HNRNPAB: variants seen among roughly 807,000 people sequenced by gnomAD.
The protein encoded by HNRNPAB is ABBP-1.
HNRNPAB carries 17 observed loss-of-function variants against 44.1 expected under a neutral mutation model. That is an observed-to-expected ratio of 0.39 (90% confidence interval 0.26 to 0.58). The LOEUF is 0.58. HNRNPAB is among the 20% of genes least tolerant of loss of function. The pLI, the probability that HNRNPAB is intolerant of heterozygous loss-of-function variation, is 0.63. For missense variants in HNRNPAB, 393 were observed against 432.7 expected (o/e 0.91, Z 0.81); for synonymous variants, 183 against 167.6 (o/e 1.09, Z -0.71).
In HNRNPAB at chr5:178,204,603, G is replaced by C. The variant is rs763662785; in HGVS notation, c.-161G>C. On this transcript the variant is annotated 5_prime_UTR_variant, in exon 1 of 8. Coordinates refer to ENST00000358344, the MANE Select transcript of HNRNPAB (RefSeq NM_031266.3). ...GTTCCCGTGCGGCGGCGGCCAAGGA[G>C]GAGGAGACACAGTTGGAGCAGCTCC... 7.6e-4 allele frequency: 203 copies of C among 267,166 alleles called. 1 individual carries two copies. Among genetic ancestry groups the C allele is most frequent in the Non-Finnish European group, 1.1e-3 (155 of 143,112 alleles). The allele number at this position is 267,166 out of a possible 1,614,324, so 16.5% of individuals were successfully genotyped here. A position where few individuals can be genotyped will look rare whatever the true frequency, so the allele number is the denominator to read the frequency against.
In HNRNPAB at chr5:178,204,925, G is replaced by T. The variant is rs1457319686; in HGVS notation, c.88G>T (p.Ala30Ser). 5.8e-6 allele frequency: 7 copies of T among 1,210,684 alleles called. No homozygotes were observed. The highest frequency in any genetic ancestry group is 7.2e-6 in the Non-Finnish European group (7 of 974,364). 75.0% of individuals were successfully genotyped at this position (1,210,684 alleles called of 1,614,324 possible). A position where few individuals can be genotyped will look rare whatever the true frequency, so the allele number is the denominator to read the frequency against. ...HEAVPEGESP[A>S]GAGTGAAAGA... ...GGCCGTCCCCGAAGGCGAGTCGCCG[G>T]CCGGGGCTGGCACGGGCGCCGCGGC... The change falls in exon 2 of 8, where the codon GCC becomes TCC. Residue 30 changes from alanine to serine, a missense_variant. By Grantham distance (99) the Ala-to-Ser change is moderately conservative. Coordinates refer to ENST00000358344, the MANE Select transcript of HNRNPAB (RefSeq NM_031266.3).
rs758120507 is a variant in HNRNPAB at position 178,210,244 on chromosome 5, T to TTACGGC, written c.907_912dup (p.Tyr303_Gly304dup). The TTACGGC allele has an allele frequency of 7.6e-5, 123 of 1,613,704 alleles. No individual in the cohort carries two copies. The highest frequency in any genetic ancestry group is 8.5e-6 in the Non-Finnish European group (10 of 1,179,734). ...GCTACGACTACTCGCCCTATGGCTA[T>TTACGGC]TACGGCTACGGCCCCGGCTACGACT... is the stretch of plus-strand genomic sequence containing the variant. On this transcript the variant is annotated inframe_insertion, in exon 7 of 8. Transcript: ENST00000358344.
At chr5:178,205,353 G>T (rs921932812) in intron 2 of HNRNPAB, among the ~76,000 whole-genome samples, 16 of 152,018 alleles carry the variant, frequency 1.1e-4, no homozygotes, top group African/African-American at 3.9e-4. Flanking sequence ...TCGGACCCGG[G>T]GCCCGGCGGC....
At chr5:178,205,413 G>T (rs894133055) in intron 2 of HNRNPAB, among the ~76,000 whole-genome samples, 11 of 152,156 alleles carry the variant, frequency 7.2e-5, no homozygotes, top group African/African-American at 2.4e-4. Flanking sequence ...GCGAGCCGGG[G>T]CCCGGACCTC....
intron 5 of HNRNPAB, among the ~76,000 whole-genome samples, chr5:178,207,538 C>T (rs753233963): frequency 8.6e-5 from 13 of 152,040 alleles, no homozygotes; most frequent in Non-Finnish European, 1.9e-4. Flanking sequence ...ATTCTTGAGT[C>T]CAGGGGTATG....
At chr5:178,209,260 T>C in intron 5 of HNRNPAB, 70 bp from the exon 6 acceptor site, 1 of 1,164,162 alleles carries the variant, frequency 8.6e-7, no homozygotes, top group East Asian at 2.4e-5. Flanking sequence ...TTTGTCGCAG[T>C]GAAGGTGTTT....
At chr5:178,207,506 A>C (rs571626005) in intron 5 of HNRNPAB, among the ~76,000 whole-genome samples, 232 of 152,098 alleles carry the variant, frequency 1.5e-3, no homozygotes, top group African/African-American at 5.4e-3. Context: ...TCCTCACTTA[A>C]AGCTAGAGGT....
rs758451196 is a variant in HNRNPAB, at chr5:178,210,228, A to T, written c.884A>T (p.Tyr295Phe). 6.2e-7 allele frequency: 1 copy of T among 1,613,186 alleles called. No individual in the cohort carries two copies. Among genetic ancestry groups the T allele is most frequent in the Non-Finnish European group, 8.5e-7 (1 of 1,179,246 alleles). Reference protein sequence around the residue: ...GYGPGYGGYDYSPYGYYGYGP... With the variant: ...GYGPGYGGYDFSPYGYYGYGP... ...GGGCCTGGCTATGGCGGCTACGACT[A>T]CTCGCCCTATGGCTATTACGGCTAC... The change falls in exon 7 of 8, where the codon TAC becomes TTC. Residue 295 changes from tyrosine to phenylalanine, a missense_variant. Physicochemically the swap from Tyr to Phe is conservative, Grantham distance 22. Around this residue, in one of 3 missense-constraint regions of HNRNPAB, gnomAD observed 210 missense variants for 196.9 expected, o/e 1.07. Coordinates refer to ENST00000358344, the MANE Select transcript of HNRNPAB (RefSeq NM_031266.3).
intron 3 of HNRNPAB, among the ~76,000 whole-genome samples, chr5:178,206,443 T>C (rs987452825): frequency 2.6e-5 from 4 of 152,184 alleles, no homozygotes; most frequent in Non-Finnish European, 5.9e-5. Context: ...CTTCAGCCTA[T>C]GCTCCGAGTC....
intron 5 of HNRNPAB, 150 bp from the exon 6 acceptor site, chr5:178,209,180 A>T (rs370145181): frequency 2.9e-6 from 2 of 697,928 alleles, no homozygotes; most frequent in African/African-American, 1.8e-5. Context: ...CATGAGCTTT[A>T]GCCCAAAGGT....
chr5:178,206,557 TA>T (rs1757068033), intron 3 of HNRNPAB, among the ~76,000 whole-genome samples, 174 bp from the exon 4 acceptor site: 1 of 152,204 alleles, frequency 6.6e-6, no homozygotes, highest in Non-Finnish European at 1.5e-5. Context: ...GGTGTCGAGG[TA>T]AACCAGCTGT....
rs1481969411 is a variant in HNRNPAB at position 178,211,005 on chromosome 5, TCATA to T, written c.*386_*389del. The T allele has an allele frequency of 4.6e-6, 1 of 218,026 alleles. No individual in the cohort carries two copies. The highest frequency in any genetic ancestry group is 9.1e-6 in the Non-Finnish European group (1 of 109,704). 13.5% of individuals were successfully genotyped at this position (218,026 alleles called of 1,614,324 possible). ...ACCTTTTAATTTTATATTATTTGCGTCATACATTTCCTGTAACGGAAGTGTTAAT... is the reference window on the plus strand; with the variant it reads ...ACCTTTTAATTTTATATTATTTGCGTCATTTCCTGTAACGGAAGTGTTAAT... On this transcript the variant is annotated 3_prime_UTR_variant, in exon 8 of 8. Coordinates refer to ENST00000358344, the MANE Select transcript of HNRNPAB (RefSeq NM_031266.3).
chr5:178,209,899 TGAGC>T (rs368652523), intron 6 of HNRNPAB, among the ~76,000 whole-genome samples: 9 of 151,992 alleles, frequency 5.9e-5, no homozygotes, highest in South Asian at 2.1e-4. Flanking sequence ...ACTGAGTGAG[TGAGC>T]TGCCTTGTTT....
rs1475367948 is a variant in HNRNPAB at position 178,210,239 on chromosome 5, G to A, written c.895G>A (p.Gly299Ser). Residue 299 changes from glycine (G) to serine (S), a missense_variant, in exon 7 of 8, where the codon GGC becomes AGC. By Grantham distance (56) the Gly-to-Ser change is moderately conservative. Coordinates refer to ENST00000358344, the MANE Select transcript of HNRNPAB (RefSeq NM_031266.3). ...TGGCGGCTACGACTACTCGCCCTAT[G>A]GCTATTACGGCTACGGCCCCGGCTA... Reference protein sequence around the residue: ...GYGGYDYSPYGYYGYGPGYDY... With the variant: ...GYGGYDYSPYSYYGYGPGYDY... 10 of 1,613,556 alleles carry A rather than the reference G, an allele frequency of 6.2e-6. No homozygotes were observed. The highest frequency in any genetic ancestry group is 7.6e-6 in the Non-Finnish European group (9 of 1,179,568).
intron 5 of HNRNPAB, among the ~76,000 whole-genome samples, 175 bp downstream of exon 5, chr5:178,207,400 T>A (rs7705458): frequency 6.6e-6 from 1 of 152,182 alleles, no homozygotes; most frequent in Non-Finnish European, 1.5e-5. Context: ...GAAAGACTTC[T>A]CAGGCTGGGA....
Position 178,210,795 on chromosome 5 carries a change from T to C in HNRNPAB, c.*172T>C. The C allele has an allele frequency of 1.6e-6, 1 of 620,972 alleles. No homozygotes were observed. Among genetic ancestry groups the C allele is most frequent in the Non-Finnish European group, 2.9e-6 (1 of 343,266 alleles). 38.5% of individuals were successfully genotyped at this position (620,972 alleles called of 1,614,324 possible). ...CTCCTGTTGACTATTTCCAGAGCTC[T>C]AGGTGTTTAGGCAGCGTGTGGTGTC... is the stretch of plus-strand genomic sequence containing the variant. On this transcript the variant is annotated 3_prime_UTR_variant, in exon 8 of 8. Transcript: ENST00000358344.
chr5:178,210,291 G>A lies in HNRNPAB; in HGVS notation c.928+19G>A. The A allele has an allele frequency of 6.2e-7, 1 of 1,614,040 alleles. No individual in the cohort carries two copies. The highest frequency in any genetic ancestry group is 8.5e-7 in the Non-Finnish European group (1 of 1,179,970). On this transcript the variant is annotated intron_variant, in intron 7 of 7. Coordinates refer to ENST00000358344, the MANE Select transcript of HNRNPAB (RefSeq NM_031266.3). ...GACTACAGTAAGTAGGAGAGAGGGA[G>A]GCCCCATCCGCTCACCCCTCGTCCC...
At chr5:178,210,433 C>G (rs1332290659) in intron 7 of HNRNPAB, 120 bp from the exon 8 acceptor site, 1 of 1,514,156 alleles carries the variant, frequency 6.6e-7, no homozygotes, top group African/African-American at 1.4e-5. Context: ...GTCTTAATAA[C>G]ATGAGGAAGG....
In HNRNPAB at chr5:178,211,163, A is replaced by G. The variant is rs1023118520; in HGVS notation, c.*540A>G. ...TTGAAATAAAATTTAAAAACCCCCA[A>G]GCCTGGGTGAGTGTGGGATATGCTG... On this transcript the variant is annotated 3_prime_UTR_variant, in exon 8 of 8. Coordinates refer to ENST00000358344, the MANE Select transcript of HNRNPAB (RefSeq NM_031266.3). 4.6e-5 allele frequency: 7 copies of G among 153,642 alleles called. No homozygotes were observed. The highest frequency in any genetic ancestry group is 8.6e-5 in the Non-Finnish European group (6 of 70,144). 9.5% of individuals were successfully genotyped at this position (153,642 alleles called of 1,614,324 possible). A position where few individuals can be genotyped will look rare whatever the true frequency, so the allele number is the denominator to read the frequency against.
Sources: gnomAD v4.1 joint callset for allele counts (sites outside exome capture counted in the v4.1 genomes callset) on GRCh38, gnomAD v4.1.1 for gene constraint, gnomAD v4.1.1 regional missense constraint, MANE v1.5 for transcripts, NCBI Gene and HGNC (gene_info 2026-07-23, HGNC 2026-07-21) for gene names.